PPP1R12B: variants seen among roughly 807,000 people sequenced by gnomAD.
The protein encoded by PPP1R12B is protein phosphatase 1 regulatory subunit 12B.
PPP1R12B carries 76 observed loss-of-function variants against 126.1 expected under a neutral mutation model. The ratio of observed to expected loss-of-function variants is 0.60; its 90% CI spans 0.50 to 0.73. The LOEUF (loss-of-function observed/expected upper bound fraction) is 0.73. PPP1R12B is among the 30% of genes least tolerant of loss of function. The pLI is 0.00. For missense variants in PPP1R12B, 1,052 were observed against 1,205.1 expected, an observed-to-expected ratio of 0.87 and a Z score of 1.88; for synonymous variants, 356 against 434.7, an observed-to-expected ratio of 0.82 and a Z score of 2.25.
chr1:202,564,821 A>C (rs1225098261), intron 21 of PPP1R12B, among the ~76,000 whole-genome samples: 1 of 152,262 alleles, frequency 6.6e-6, no homozygotes, highest in Non-Finnish European at 1.5e-5. Flanking sequence ...TTAGTAGAAA[A>C]GCATAAACCA....
chr1:202,481,534 T>C (rs1387942362), intron 13 of PPP1R12B, among the ~76,000 whole-genome samples: 1 of 119,268 alleles, frequency 8.4e-6, no homozygotes, highest in Non-Finnish European at 1.9e-5. Context: ...AAGATATAGT[T>C]TTTTTAATAA....
At position 202,411,303 on chromosome 1, in the gene PPP1R12B, A is replaced by G. The variant is rs1438505857; in HGVS notation, c.292-5484A>G. Reference sequence around the variant, plus strand: ...AAAAAAAAAAAGCAAGAAAACAGTCACTCCAAGGTGCTTCATGAGAGTGTC... The same window carrying G: ...AAAAAAAAAAAGCAAGAAAACAGTCGCTCCAAGGTGCTTCATGAGAGTGTC... On this transcript the variant is annotated intron_variant, in intron 1 of 23. Transcript: ENST00000608999. Among the ~76,000 whole-genome samples the G allele has an allele frequency of 2.0e-5, 3 of 149,580 alleles. No homozygotes were observed. The East Asian group carries it at 5.9e-4, about 29-fold the overall frequency.
chr1:202,375,670 C>T (rs1160223481), intron 1 of PPP1R12B, among the ~76,000 whole-genome samples: 1 of 152,198 alleles, frequency 6.6e-6, no homozygotes, highest in African/African-American at 2.4e-5. Flanking sequence ...CTCAAGGGAT[C>T]CTCCCAAGTA....
In PPP1R12B at chr1:202,397,587, T is replaced by A. The variant is rs528968192; in HGVS notation, c.292-19200T>A. Among the ~76,000 whole-genome samples, 45 of 152,206 alleles carry A rather than the reference T, an allele frequency of 3.0e-4. 1 individual carries two copies. The highest frequency in any genetic ancestry group is 1.4e-3 in the Admixed American group (22 of 15,278). ...ACTTTTGGGAAGACACATGGGGATA[T>A]ATTTAAAATTTGAGTTTTTTGGAAG... On this transcript the variant is annotated intron_variant, in intron 1 of 23. Transcript: ENST00000608999.
At chr1:202,460,046 C>T (rs926591991) in intron 13 of PPP1R12B, among the ~76,000 whole-genome samples, 2 of 152,190 alleles carry the variant, frequency 1.3e-5, no homozygotes, top group Non-Finnish European at 2.9e-5. Flanking sequence ...TCCAAGTTTT[C>T]CTTAGCAACA....
intron 13 of PPP1R12B, chr1:202,472,162 T>C (rs1376096161): frequency 6.6e-6 from 6 of 914,642 alleles, no homozygotes; most frequent in Non-Finnish European, 9.6e-6. Flanking sequence ...CAAAAGTTTT[T>C]TATATATTCC....
At chr1:202,539,389 C>T (rs1684875958) in intron 18 of PPP1R12B, among the ~76,000 whole-genome samples, 1 of 151,892 alleles carries the variant, frequency 6.6e-6, no homozygotes, top group Non-Finnish European at 1.5e-5. Flanking sequence ...CCTCACTGAG[C>T]GAATAGGGAT....
chr1:202,540,041 C>G (rs1684945230), intron 18 of PPP1R12B: 1 of 1,410,854 alleles, frequency 7.1e-7, no homozygotes, highest in Non-Finnish European at 9.3e-7. Flanking sequence ...CTTGCATCAA[C>G]TCAAAAGGAG....
In PPP1R12B at chr1:202,416,856, G is replaced by A; in HGVS notation, c.361G>A (p.Asp121Asn). 1.9e-6 allele frequency: 3 copies of A among 1,614,082 alleles called. No homozygotes were observed. The highest frequency in any genetic ancestry group is 2.5e-6 in the Non-Finnish European group (3 of 1,179,964). The change falls in exon 2 of 24, where the codon GAC becomes AAC. Residue 121 changes from aspartate (D) to asparagine (N), a missense_variant. Physicochemically the swap from Asp to Asn is conservative, Grantham distance 23. Transcript: ENST00000608999. ...VENRANVNQQDNEGWTPLHAA... is the reference protein window; with the variant it reads ...VENRANVNQQNNEGWTPLHAA... ...GAACAGAGCCAATGTAAACCAGCAA[G>A]ACAACGAGGGCTGGACACCCCTTCA...
Position 202,588,798 on chromosome 1 carries a change from C to G in PPP1R12B, c.*8238C>G, listed in dbSNP as rs1370943956. The G allele has an allele frequency of 6.7e-6, 1 of 149,960 alleles. No homozygotes were observed. The highest frequency in any genetic ancestry group is 1.5e-5 in the Non-Finnish European group (1 of 67,466). The allele number at this position is 149,960 out of a possible 1,614,324, so 9.3% of individuals were successfully genotyped here. On this transcript the variant is annotated 3_prime_UTR_variant, in exon 24 of 24. Transcript: ENST00000608999. ...TAAATGGAGTCAGGCCAAGGAGAAG[C>G]CTAGATTGGCGTTCAAAAGAACCGT...
intron 1 of PPP1R12B, among the ~76,000 whole-genome samples, chr1:202,365,403 A>T (rs1278942122): frequency 6.6e-6 from 1 of 152,068 alleles, no homozygotes; most frequent in African/African-American, 2.4e-5. Context: ...TGCATTCCAG[A>T]CTAGGCAACA....
intron 1 of PPP1R12B, among the ~76,000 whole-genome samples, chr1:202,402,750 C>A (rs1666029670): frequency 6.6e-6 from 1 of 152,152 alleles, no homozygotes; most frequent in Non-Finnish European, 1.5e-5. Context: ...CTGAGAGATG[C>A]AACTCAAACA....
At position 202,564,615 on chromosome 1, in the gene PPP1R12B, G is replaced by T. The variant is rs371578440; in HGVS notation, c.2757+68G>T. The T allele has an allele frequency of 2.1e-5, 27 of 1,278,784 alleles. No individual in the cohort carries two copies. In the African/African-American group the frequency reaches 3.8e-4, roughly 18 times the overall value. The allele number at this position is 1,278,784 out of a possible 1,614,324, so 79.2% of individuals were successfully genotyped here. ...ATGTAAGGAAGCAAACTAGACTAGG[G>T]ATCTAAGGGACAGGAAGTAAGATAG... On this transcript the variant is annotated intron_variant, in intron 21 of 23. Coordinates refer to ENST00000608999, the MANE Select transcript of PPP1R12B (RefSeq NM_002481.4).
chr1:202,527,654 C>T (rs3933363), intron 18 of PPP1R12B, among the ~76,000 whole-genome samples: 65,871 of 151,820 alleles, frequency 0.43, 15,644 homozygotes, highest in East Asian at 0.71. Context: ...AGTCCCGTAA[C>T]CTTTAAAGAA....
intron 13 of PPP1R12B, among the ~76,000 whole-genome samples, chr1:202,461,266 G>A (rs1211094490): frequency 1.9e-4 from 29 of 151,632 alleles, no homozygotes; most frequent in Admixed American, 1.6e-3. Flanking sequence ...ATCAAGTTCC[G>A]TTTCTGACTC....
intron 12 of PPP1R12B, among the ~76,000 whole-genome samples, chr1:202,446,369 T>C (rs1672295101): frequency 6.8e-6 from 1 of 147,432 alleles, no homozygotes; most frequent in Admixed American, 6.8e-5. Flanking sequence ...TTCTTCTGCC[T>C]CAGCCTCCCG....
intron 18 of PPP1R12B, among the ~76,000 whole-genome samples, chr1:202,499,664 C>T (rs978063122): frequency 2.0e-5 from 3 of 152,102 alleles, no homozygotes; most frequent in African/African-American, 7.2e-5. Context: ...ATGGTTTTTC[C>T]CCCCTTCTTA....
intron 1 of PPP1R12B, among the ~76,000 whole-genome samples, chr1:202,402,305 A>G (rs1280188092): frequency 6.6e-6 from 1 of 152,234 alleles, no homozygotes; most frequent in East Asian, 1.9e-4. Context: ...TGGTACTACC[A>G]GTAAGCTAGT....
chr1:202,453,926 A>G lies in PPP1R12B; in HGVS notation c.1850+4755A>G, dbSNP rs188550478. On this transcript the variant is annotated intron_variant, in intron 13 of 23. Coordinates refer to ENST00000608999, the MANE Select transcript of PPP1R12B (RefSeq NM_002481.4). ...CAGCCAAGGAAATAGTAATAAATCA[A>G]TGTTGAATAGTAAATGCTTCTATAC... is the stretch of plus-strand genomic sequence containing the variant. Among the ~76,000 whole-genome samples the G allele has an allele frequency of 2.2e-4, 34 of 152,338 alleles. No homozygotes were observed. The East Asian group carries it at 2.5e-3, about 11-fold the overall frequency.
Sources: gnomAD v4.1 joint callset for allele counts (sites outside exome capture counted in the v4.1 genomes callset) on GRCh38, gnomAD v4.1.1 for gene constraint, MANE v1.5 for transcripts, NCBI Gene and HGNC (gene_info 2026-07-23, HGNC 2026-07-21) for gene names.